ZC3H12C: variants seen among roughly 807,000 people sequenced by gnomAD.
The protein encoded by ZC3H12C is zinc finger CCCH-type containing 12C.
ZC3H12C carries 20 observed loss-of-function variants against 76.3 expected under a neutral mutation model. The observed-to-expected ratio is 0.26, with a 90% confidence interval of 0.18 to 0.38. The LOEUF (loss-of-function observed/expected upper bound fraction) is 0.38. Among genes scored for constraint, ZC3H12C ranks in the 10% least tolerant of loss-of-function variants. The probability of loss-of-function intolerance (pLI) is 1.00; values close to 1 mark genes in which losing one functional copy is unlikely to be tolerated. For synonymous variants in ZC3H12C, 352 were observed against 399.6 expected (o/e 0.88, Z 1.42); for missense variants, 874 against 1,086.5 (o/e 0.80, Z 2.75).
intron 3 of ZC3H12C, among the ~76,000 whole-genome samples, chr11:110,157,531 G>A (rs147478899): frequency 0.022 from 3,300 of 151,364 alleles, 63 homozygotes; most frequent in Non-Finnish European, 0.033. Flanking sequence ...ACTTCCCAGG[G>A]TTCAAGCAAT....
chr11:110,094,389 G>T (rs1014115361), intron 1 of ZC3H12C, among the ~76,000 whole-genome samples: 19 of 152,160 alleles, frequency 1.2e-4, no homozygotes, highest in African/African-American at 4.6e-4. Context: ...GCTAAGTATT[G>T]TATGTTTAGG....
chr11:110,137,332 GA>G lies in ZC3H12C; in HGVS notation c.693del (p.Glu231AspfsTer8). ...ETSSLESQRS[E>X]SPMQEIVTDD... is the part of the protein sequence containing the mutation. Reference sequence around the variant, plus strand: ...TTCTTCCCTGGAATCTCAGAGGTCTGAATCTCCAATGCAAGAGATTGTAACA... The same window carrying G: ...TTCTTCCCTGGAATCTCAGAGGTCTGATCTCCAATGCAAGAGATTGTAACA... On this transcript the variant is annotated frameshift_variant, in exon 2 of 6. Coordinates refer to ENST00000278590, the MANE Select transcript of ZC3H12C (RefSeq NM_033390.2). LOFTEE classifies it high-confidence loss of function. 1 of 1,613,900 alleles carries G rather than the reference GA, an allele frequency of 6.2e-7. No individual in the cohort carries two copies. Among genetic ancestry groups the G allele is most frequent in the Non-Finnish European group, 8.5e-7 (1 of 1,179,864 alleles).
chr11:110,157,466 G>A (rs1472256890), intron 3 of ZC3H12C, among the ~76,000 whole-genome samples: 8 of 137,248 alleles, frequency 5.8e-5, no homozygotes, highest in East Asian at 4.2e-4. Flanking sequence ...ACAGAGTCTC[G>A]CTCTGTTGCC....
chr11:110,101,392 A>G (rs549174626), intron 1 of ZC3H12C, among the ~76,000 whole-genome samples: 1 of 152,312 alleles, frequency 6.6e-6, no homozygotes, highest in African/African-American at 2.4e-5. Flanking sequence ...ATGCCATCTA[A>G]GACTTTTATA....
At chr11:110,094,770 A>T (rs1861083734) in intron 1 of ZC3H12C, among the ~76,000 whole-genome samples, 1 of 152,200 alleles carries the variant, frequency 6.6e-6, no homozygotes, top group Non-Finnish European at 1.5e-5. Flanking sequence ...TTTCTTCAAC[A>T]ATTTGGCATG....
chr11:110,097,450 T>G (rs899195080), intron 1 of ZC3H12C, among the ~76,000 whole-genome samples: 7 of 152,220 alleles, frequency 4.6e-5, no homozygotes, highest in Non-Finnish European at 7.3e-5. Context: ...CACACCTTAT[T>G]CAGCCCTCAG....
At chr11:110,122,580 A>G (rs1275150285) in intron 1 of ZC3H12C, among the ~76,000 whole-genome samples, 1 of 152,238 alleles carries the variant, frequency 6.6e-6, no homozygotes, top group Non-Finnish European at 1.5e-5. Context: ...TTTCAACTTC[A>G]TGATGGTGCG....
chr11:110,147,621 A>T (rs1345853418), intron 2 of ZC3H12C, among the ~76,000 whole-genome samples: 1 of 67,948 alleles, frequency 1.5e-5, no homozygotes, highest in Admixed American at 2.1e-4. Context: ...AGTAAAATTA[A>T]AAAAAAAAAA....
At chr11:110,118,416 A>G (rs978485510) in intron 1 of ZC3H12C, among the ~76,000 whole-genome samples, 2 of 152,284 alleles carry the variant, frequency 1.3e-5, no homozygotes, top group African/African-American at 4.8e-5. Flanking sequence ...GACATGAACA[A>G]TAACCAGTTA....
chr11:110,115,618 T>C (rs544509225), intron 1 of ZC3H12C, among the ~76,000 whole-genome samples: 2 of 152,038 alleles, frequency 1.3e-5, no homozygotes, highest in South Asian at 4.2e-4. Flanking sequence ...TGTTTTTTCA[T>C]AGGATGGGGT....
At chr11:110,107,625 A>T (rs894041946) in intron 1 of ZC3H12C, among the ~76,000 whole-genome samples, 4 of 151,952 alleles carry the variant, frequency 2.6e-5, no homozygotes, top group Admixed American at 2.6e-4. Context: ...TCCCGGGTTT[A>T]AGCAAATCTC....
At chr11:110,162,101 A>G (rs1862492386) in intron 4 of ZC3H12C, among the ~76,000 whole-genome samples, 1 of 152,160 alleles carries the variant, frequency 6.6e-6, no homozygotes, top group Non-Finnish European at 1.5e-5. Context: ...GTACCACTTC[A>G]CTCCAGCCTG....
Position 110,152,904 on chromosome 11 carries a change from G to A in ZC3H12C, c.774-15G>A, listed in dbSNP as rs1173027583. On this transcript the variant is annotated splice_polypyrimidine_tract_variant and intron_variant, in intron 2 of 5. Transcript: ENST00000278590. Reference sequence around the variant, plus strand: ...GGTTTTGTTGTGTTTTAAGTGTTCCGTAATAATCTTTCAGCCATGGAAACA... The same window carrying A: ...GGTTTTGTTGTGTTTTAAGTGTTCCATAATAATCTTTCAGCCATGGAAACA... 1.6e-5 allele frequency: 26 copies of A among 1,608,850 alleles called. No homozygotes were observed. Among genetic ancestry groups the A allele is most frequent in the Middle Eastern group, 1.6e-4 (1 of 6,076 alleles).
intron 1 of ZC3H12C, among the ~76,000 whole-genome samples, chr11:110,107,882 T>G (rs1861359941): frequency 6.6e-6 from 1 of 151,968 alleles, no homozygotes; most frequent in Admixed American, 6.6e-5. Context: ...AGGCTGGTCT[T>G]GAACTCCTGA....
intron 1 of ZC3H12C, among the ~76,000 whole-genome samples, chr11:110,110,572 T>C (rs543249789): frequency 1.3e-5 from 2 of 152,358 alleles, no homozygotes; most frequent in East Asian, 1.9e-4. Context: ...AGTAGAATTA[T>C]AGAGATTATT....
chr11:110,153,202 T>C, intron 3 of ZC3H12C, 144 bp downstream of exon 3: 1 of 1,104,522 alleles, frequency 9.1e-7, no homozygotes. Context: ...TGTTGTTGTT[T>C]TCTGAGATAG....
intron 1 of ZC3H12C, among the ~76,000 whole-genome samples, chr11:110,122,436 C>T (rs1861667039): frequency 6.6e-6 from 1 of 152,060 alleles, no homozygotes; most frequent in Admixed American, 6.6e-5. Flanking sequence ...GTGCCTTCTG[C>T]TTTTAAAAAA....
intron 2 of ZC3H12C, among the ~76,000 whole-genome samples, chr11:110,140,606 G>C (rs1862051667): frequency 6.6e-6 from 1 of 152,188 alleles, no homozygotes; most frequent in Non-Finnish European, 1.5e-5. Context: ...TGAACAGACT[G>C]TTGAAACTTT....
chr11:110,103,917 T>C, intron 1 of ZC3H12C, among the ~76,000 whole-genome samples: 1 of 152,110 alleles, frequency 6.6e-6, no homozygotes, highest in East Asian at 1.9e-4. Flanking sequence ...CTGAGATTTC[T>C]AATTTATCCT....
Sources: allele counts gnomAD v4.1 joint callset (sites outside exome capture counted in the v4.1 genomes callset), GRCh38; gene constraint gnomAD v4.1.1; transcripts MANE v1.5; gene names NCBI Gene and HGNC (gene_info 2026-07-23, HGNC 2026-07-21).